Variants in KIAA0513 observed in about 807,000 individuals in gnomAD.
KIAA0513 encodes uncharacterized protein KIAA0513.
KIAA0513 carries 39 observed loss-of-function variants against 56.5 expected under a neutral mutation model. That is an observed-to-expected ratio of 0.69 (90% CI 0.53 to 0.90). KIAA0513 has a LOEUF of 0.90. KIAA0513 is among the 40% of genes least tolerant of loss of function. The probability of loss-of-function intolerance (pLI) is 0.00; values close to 1 mark genes in which losing one functional copy is unlikely to be tolerated. For synonymous variants in KIAA0513, 268 were observed against 215.6 expected (o/e 1.24, Z -2.13); for missense variants, 591 against 535.2 (o/e 1.10, Z -1.03).
Position 85,092,454 on chromosome 16 carries a change from C to G in KIAA0513, c.*4129C>G, listed in dbSNP as rs1297165309. Reference sequence around the variant, plus strand: ...CTCGCAGGGTGGCAGTGGCCCAGCCCCAGCCTCAGGGACGGGGAGGGAGAG... The same window carrying G: ...CTCGCAGGGTGGCAGTGGCCCAGCCGCAGCCTCAGGGACGGGGAGGGAGAG... On this transcript the variant is annotated 3_prime_UTR_variant, in exon 13 of 13. Coordinates refer to ENST00000683363, the MANE Select transcript of KIAA0513 (RefSeq NM_001388359.1). The G allele has an allele frequency of 2.6e-5, 4 of 152,178 alleles. No homozygotes were observed. The East Asian group carries it at 7.7e-4, about 29-fold the overall frequency. 9.4% of individuals were successfully genotyped at this position (152,178 alleles called of 1,614,324 possible).
chr16:85,055,034 C>G (rs902148985), intron 1 of KIAA0513, among the ~76,000 whole-genome samples: 1 of 151,964 alleles, frequency 6.6e-6, no homozygotes, highest in African/African-American at 2.4e-5. Flanking sequence ...GCAGTCCTCC[C>G]ACCTCAGCCT....
intron 1 of KIAA0513, among the ~76,000 whole-genome samples, chr16:85,054,352 A>G (rs1041781393): frequency 1.3e-5 from 2 of 152,072 alleles, no homozygotes; most frequent in African/African-American, 4.8e-5. Context: ...CTTCACATTC[A>G]AAGACCCATA....
chr16:85,075,349 T>C (rs1327697487), intron 4 of KIAA0513, among the ~76,000 whole-genome samples: 1 of 152,156 alleles, frequency 6.6e-6, no homozygotes, highest in Non-Finnish European at 1.5e-5. Context: ...GGCAAAGGAA[T>C]GGCCCGACCC....
At chr16:85,073,967 GT>G (rs1425705702) in intron 4 of KIAA0513, among the ~76,000 whole-genome samples, 6 of 151,004 alleles carry the variant, frequency 4.0e-5, no homozygotes, top group African/African-American at 1.2e-4. Context: ...GTTTTGTTTT[GT>G]TTTTGTTTTT....
chr16:85,063,411 A>G (rs934160889), intron 1 of KIAA0513: 4 of 152,370 alleles, frequency 2.6e-5, no homozygotes, highest in East Asian at 3.9e-4. Context: ...GATTACAGGC[A>G]CCTGCCACCA....
rs2073659021 is a variant in KIAA0513 at position 85,076,586 on chromosome 16, G to A, written c.574+672G>A. Among the ~76,000 whole-genome samples, 1 of 152,092 alleles carries A rather than the reference G, an allele frequency of 6.6e-6. No homozygotes were observed. The highest frequency in any genetic ancestry group is 1.5e-5 in the Non-Finnish European group (1 of 68,008). On this transcript the variant is annotated intron_variant, in intron 5 of 12. Transcript: ENST00000683363. This position sits in a 1 kb window ranked among gnomAD's most constrained non-coding sequence, Gnocchi z 4.7. ...GAGGTGCTAGGCCCTGGTCCCCCGT[G>A]CTTTCCTCTCTCGGGACCCGCGTGC...
At chr16:85,085,122 C>G (rs928461080) in intron 10 of KIAA0513, among the ~76,000 whole-genome samples, 1 of 152,136 alleles carries the variant, frequency 6.6e-6, no homozygotes, top group African/African-American at 2.4e-5. Flanking sequence ...AGCAGGCCTG[C>G]GAGGGGTGCG....
chr16:85,073,323 C>T (rs2073607077), intron 4 of KIAA0513, among the ~76,000 whole-genome samples: 2 of 152,204 alleles, frequency 1.3e-5, no homozygotes, highest in African/African-American at 2.4e-5. Context: ...GGTACTTTCC[C>T]GAGTTCCTAT....
At chr16:85,078,691 A>T (rs771189328) in intron 7 of KIAA0513, among the ~76,000 whole-genome samples, 1 of 152,254 alleles carries the variant, frequency 6.6e-6, no homozygotes, top group Non-Finnish European at 1.5e-5. Context: ...GCTAAGGGTT[A>T]CTGCGAGGGG....
In KIAA0513 at chr16:85,076,464, T is replaced by C. The variant is rs1412212300; in HGVS notation, c.574+550T>C. 6.6e-6 allele frequency among the ~76,000 whole-genome samples: 1 copy of C among 152,176 alleles called. No individual in the cohort carries two copies. Among genetic ancestry groups the C allele is most frequent in the Non-Finnish European group, 1.5e-5 (1 of 68,018 alleles). On this transcript the variant is annotated intron_variant, in intron 5 of 12. Transcript: ENST00000683363. The surrounding 1 kb of genome is among the most constrained non-coding windows in gnomAD (Gnocchi z 4.7). ...CGTATGTTGGAGCTCAAGGGCTTCC[T>C]GCGTGAGTCTCCTTGGGCTGCAGCA...
intron 1 of KIAA0513, among the ~76,000 whole-genome samples, chr16:85,045,212 C>G (rs1476423740): frequency 6.6e-6 from 1 of 152,234 alleles, no homozygotes; most frequent in Non-Finnish European, 1.5e-5. Flanking sequence ...CTGGACATCT[C>G]TGTGCTGTGA....
intron 1 of KIAA0513, among the ~76,000 whole-genome samples, chr16:85,032,089 AG>A (rs1384859096): frequency 6.6e-6 from 1 of 152,212 alleles, no homozygotes; most frequent in Non-Finnish European, 1.5e-5. Flanking sequence ...AGGTGTCGAC[AG>A]GGCTGGTTCC....
rs768254841 is a variant in KIAA0513 at position 85,086,675 on chromosome 16, C to T, written c.1042C>T (p.Arg348Cys). 15 of 1,613,832 alleles carry T rather than the reference C, an allele frequency of 9.3e-6. No homozygotes were observed. The highest frequency in any genetic ancestry group is 1.1e-5 in the Non-Finnish European group (13 of 1,179,986). Residue 348 changes from arginine (R) to cysteine (C), a missense_variant, in exon 11 of 13, where the codon CGC becomes TGC. By Grantham distance (180) the Arg-to-Cys change is radical (BLOSUM62 -3). Transcript: ENST00000683363. The part of the protein sequence containing the change: ...EKWCHMTQEE[R>C]DDSLRFNENI... ...GTGGTGCCACATGACCCAGGAGGAG[C>T]GCGACGACAGCCTCCGGTTCAACGA... is the stretch of plus-strand genomic sequence containing the variant.
rs190906174 is a variant in KIAA0513 at position 85,052,305 on chromosome 16, C to T, written c.-172-14595C>T. On this transcript the variant is annotated intron_variant, in intron 1 of 12. Coordinates refer to ENST00000683363, the MANE Select transcript of KIAA0513 (RefSeq NM_001388359.1). Reference sequence around the variant, plus strand: ...ACTGCACTCCAGCCTGGTGACAGAACGAGCAAGGCTCTGTCTCAAAAAGCA... The same window carrying T: ...ACTGCACTCCAGCCTGGTGACAGAATGAGCAAGGCTCTGTCTCAAAAAGCA... Among the ~76,000 whole-genome samples the T allele has an allele frequency of 1.5e-4, 22 of 151,000 alleles. No homozygotes were observed. The Middle Eastern group carries it at 0.014, about 94-fold the overall frequency.
At chr16:85,085,595 G>A (rs911169878) in intron 10 of KIAA0513, among the ~76,000 whole-genome samples, 2 of 152,244 alleles carry the variant, frequency 1.3e-5, no homozygotes, top group African/African-American at 4.8e-5. Context: ...CTTCTCAGAT[G>A]GACGTGGTGT....
rs975405065 is a variant in KIAA0513, at chr16:85,081,487, T to G, written c.980+95T>G. On this transcript the variant is annotated intron_variant, in intron 9 of 12. Coordinates refer to ENST00000683363, the MANE Select transcript of KIAA0513 (RefSeq NM_001388359.1). The surrounding 1 kb of genome is among the most constrained non-coding windows in gnomAD (Gnocchi z 4.4). The stretch of plus-strand genomic sequence containing the variant: ...CGGAAGAGGAGAGCAGAAGAGCAGC[T>G]GAGTGGACGTGTCTGTTTTTTCTTC... 6 of 1,087,914 alleles carry G rather than the reference T, an allele frequency of 5.5e-6. No homozygotes were observed. In the African/African-American group the frequency reaches 9.4e-5, roughly 17 times the overall value. 67.4% of individuals were successfully genotyped at this position (1,087,914 alleles called of 1,614,324 possible). A position where few individuals can be genotyped will look rare whatever the true frequency, so the allele number is the denominator to read the frequency against.
chr16:85,081,047 C>T lies in KIAA0513; in HGVS notation c.903-268C>T, dbSNP rs2073736610. ...ACTTTGCCCGCCAGTGCCCTCCTGC[C>T]TGCAGCGCAGCCCGGGTTATCATAG... is the stretch of plus-strand genomic sequence containing the variant. On this transcript the variant is annotated intron_variant, in intron 8 of 12. Transcript: ENST00000683363. The surrounding 1 kb of genome is among the most constrained non-coding windows in gnomAD (Gnocchi z 4.4). Among the ~76,000 whole-genome samples the T allele has an allele frequency of 6.6e-6, 1 of 152,224 alleles. No individual in the cohort carries two copies. Among genetic ancestry groups the T allele is most frequent in the South Asian group, 2.1e-4 (1 of 4,836 alleles).
intron 1 of KIAA0513, among the ~76,000 whole-genome samples, chr16:85,050,719 G>T (rs1236606300): frequency 1.3e-5 from 2 of 152,318 alleles, no homozygotes; most frequent in African/African-American, 4.8e-5. Flanking sequence ...TGGGTTTGTT[G>T]TGGAGCCTTG....
rs773734386 is a variant in KIAA0513 at position 85,081,814 on chromosome 16, G to A, written c.980+422G>A. On this transcript the variant is annotated intron_variant, in intron 9 of 12. Transcript: ENST00000683363. This position sits in a 1 kb window ranked among gnomAD's most constrained non-coding sequence, Gnocchi z 4.4. The stretch of plus-strand genomic sequence containing the variant: ...CTGGCGCCTGGGGAATGCAGTTGCC[G>A]CTCGCAACTCACCTCTTGGGTCTGC... Among the ~76,000 whole-genome samples, 5 of 152,262 alleles carry A rather than the reference G, an allele frequency of 3.3e-5. No homozygotes were observed. The highest frequency in any genetic ancestry group is 3.4e-3 in the Middle Eastern group (1 of 294).
Sources: allele counts gnomAD v4.1 joint callset (sites outside exome capture counted in the v4.1 genomes callset), GRCh38; gene constraint gnomAD v4.1.1; non-coding constraint Gnocchi (gnomAD v3.1); transcripts MANE v1.5; gene names NCBI Gene and HGNC (gene_info 2026-07-23, HGNC 2026-07-21).